The following ATOSA variants were observed in gnomAD, a reference collection of about 807,000 sequenced individuals.
ATOSA encodes atos homolog A.
At chr15:52,669,210 C>A in the ATOSA span, among the ~76,000 whole-genome samples, 1 of 152,050 alleles carries the variant, frequency 6.6e-6, no homozygotes, top group African/African-American at 2.4e-5. Context: ...CGTGAGCCAC[C>A]GCGCCTGGCC....
the ATOSA span, among the ~76,000 whole-genome samples, chr15:52,685,927 A>T: frequency 6.6e-6 from 1 of 152,094 alleles, no homozygotes; most frequent in Admixed American, 6.5e-5. Flanking sequence ...AGTTCTCGCT[A>T]TGTTGTCCAG....
chr15:52,634,514 T>G, the ATOSA span, among the ~76,000 whole-genome samples: 2 of 151,830 alleles, frequency 1.3e-5, no homozygotes, highest in Non-Finnish European at 2.9e-5. Flanking sequence ...AAGCATCTTA[T>G]TAAAAGGCAG....
At chr15:52,686,499 C>T in the ATOSA span, among the ~76,000 whole-genome samples, 1 of 152,176 alleles carries the variant, frequency 6.6e-6, no homozygotes, top group Non-Finnish European at 1.5e-5. Context: ...ATAAAAACTA[C>T]AGAAATTCCC....
At chr15:52,590,316 TA>T in the ATOSA span, among the ~76,000 whole-genome samples, 2 of 152,212 alleles carry the variant, frequency 1.3e-5, no homozygotes, top group Non-Finnish European at 2.9e-5. Flanking sequence ...CTGCCTTAGA[TA>T]TTTCTGCCTG....
chr15:52,668,100 T>C, the ATOSA span, among the ~76,000 whole-genome samples: 2 of 152,218 alleles, frequency 1.3e-5, no homozygotes, highest in Non-Finnish European at 2.9e-5. Context: ...GTTGAAGAGA[T>C]ATCTGTACTC....
chr15:52,616,095 T>C, the ATOSA span, among the ~76,000 whole-genome samples: 2 of 152,172 alleles, frequency 1.3e-5, no homozygotes, highest in Non-Finnish European at 1.5e-5. Flanking sequence ...CTCAGAGTAG[T>C]AGACACAACA....
chr15:52,608,187 G>T, the ATOSA span, among the ~76,000 whole-genome samples: 1 of 152,140 alleles, frequency 6.6e-6, no homozygotes, highest in Non-Finnish European at 1.5e-5. Context: ...CATTGTGCCT[G>T]GCCTGGGTGC....
chr15:52,634,604 C>T, the ATOSA span, among the ~76,000 whole-genome samples: 5 of 109,674 alleles, frequency 4.6e-5, no homozygotes, highest in East Asian at 5.0e-4. Context: ...TTTTTCTTTT[C>T]TTTTTTTTTT....
At chr15:52,634,552 T>A in the ATOSA span, among the ~76,000 whole-genome samples, 165 of 151,096 alleles carry the variant, frequency 1.1e-3, 1 homozygote, top group Non-Finnish European at 1.1e-3. Flanking sequence ...TTTTTTTTTT[T>A]AAAAAGCAAG....
At chr15:52,679,734 G>A in the ATOSA span, among the ~76,000 whole-genome samples, 1 of 145,994 alleles carries the variant, frequency 6.8e-6, no homozygotes, top group Non-Finnish European at 1.5e-5. Flanking sequence ...CCCCAGACGT[G>A]GAGGATAATT....
At chr15:52,682,586 C>T in the ATOSA span, among the ~76,000 whole-genome samples, 1 of 152,120 alleles carries the variant, frequency 6.6e-6, no homozygotes, top group African/African-American at 2.4e-5. Context: ...AAAAGAACAA[C>T]TCTATGACCC....
chr15:52,607,133 T>A, the ATOSA span, among the ~76,000 whole-genome samples: 5 of 152,080 alleles, frequency 3.3e-5, no homozygotes, highest in African/African-American at 1.2e-4. Context: ...AGGAAACAGG[T>A]TTTTATAAGT....
the ATOSA span, among the ~76,000 whole-genome samples, chr15:52,701,937 T>C: frequency 6.6e-6 from 1 of 151,622 alleles, no homozygotes; most frequent in Admixed American, 6.6e-5. Flanking sequence ...CCATCTCAAC[T>C]AAAAAAATAA....
chr15:52,595,731 C>T, the ATOSA span, among the ~76,000 whole-genome samples: 1 of 152,114 alleles, frequency 6.6e-6, no homozygotes, highest in Non-Finnish European at 1.5e-5. Flanking sequence ...TTTAAAAATA[C>T]TAGCAATGAA....
At chr15:52,583,211 T>C in the ATOSA span, among the ~76,000 whole-genome samples, 1 of 152,230 alleles carries the variant, frequency 6.6e-6, no homozygotes, top group Non-Finnish European at 1.5e-5. Context: ...CCTGTCATTA[T>C]GTGGAGATTA....
chr15:52,687,400 G>A, the ATOSA span, among the ~76,000 whole-genome samples: 1 of 152,032 alleles, frequency 6.6e-6, no homozygotes, highest in East Asian at 1.9e-4. Context: ...GCGAGACTCC[G>A]TCTCAAAAAA....
the ATOSA span, among the ~76,000 whole-genome samples, chr15:52,639,284 T>C: frequency 3.9e-5 from 6 of 152,138 alleles, no homozygotes; most frequent in African/African-American, 1.4e-4. Flanking sequence ...CAAAAAAAAC[T>C]GTTAAGTGGT....
At chr15:52,602,913 T>G in the ATOSA span, among the ~76,000 whole-genome samples, 2 of 152,230 alleles carry the variant, frequency 1.3e-5, no homozygotes, top group African/African-American at 4.8e-5. Context: ...TGCCCCAGGT[T>G]ACACCTTGGG....
At chr15:52,602,332 G>T in the ATOSA span, among the ~76,000 whole-genome samples, 74 of 152,018 alleles carry the variant, frequency 4.9e-4, no homozygotes, top group African/African-American at 1.6e-3. Flanking sequence ...CTATCTCCCA[G>T]AATACTTTAA....
Sources: allele counts gnomAD v4.1 joint callset (sites outside exome capture counted in the v4.1 genomes callset), GRCh38; gene constraint gnomAD v4.1.1; transcripts MANE v1.5; gene names NCBI Gene and HGNC (gene_info 2026-07-23, HGNC 2026-07-21).